Variants in PXDNL observed in about 807,000 individuals in gnomAD.
PXDNL encodes peroxidasin like, also known as probable oxidoreductase PXDNL.
In PXDNL, 145 loss-of-function variants were observed where a neutral mutation model predicts 150.8. The observed-to-expected ratio is 0.96, with a 90% CI of 0.84 to 1.10. The LOEUF (loss-of-function observed/expected upper bound fraction) is 1.10. Ranked by LOEUF, PXDNL falls within the 50% of genes least tolerant of loss-of-function variation. The pLI is 0.00. For missense variants in PXDNL, 2,087 were observed against 1,873.9 expected, an observed-to-expected ratio of 1.11 and a Z score of -2.10; for synonymous variants, 757 against 725.7, an observed-to-expected ratio of 1.04 and a Z score of -0.69.
At chr8:51,590,486 G>A (rs1475338175) in intron 3 of PXDNL, among the ~76,000 whole-genome samples, 1 of 152,192 alleles carries the variant, frequency 6.6e-6, no homozygotes, top group Non-Finnish European at 1.5e-5. Context: ...GCTGAGCCCA[G>A]CAAAGACATG....
intron 1 of PXDNL, among the ~76,000 whole-genome samples, chr8:51,741,920 A>T (rs2036910394): frequency 6.6e-6 from 1 of 152,246 alleles, no homozygotes; most frequent in African/African-American, 2.4e-5. Flanking sequence ...ACAAATTATC[A>T]CAAAAATACC....
In PXDNL at chr8:51,473,348, A is replaced by G. The variant is rs538187587; in HGVS notation, c.695-1044T>C. Among the ~76,000 whole-genome samples, 3 of 151,136 alleles carry G rather than the reference A, an allele frequency of 2.0e-5. No homozygotes were observed. In the South Asian group the frequency reaches 6.3e-4, roughly 32 times the overall value. Reference sequence around the variant, plus strand: ...ACATATGCGGCAAATGCTTAGATGGAAAATAAACGATGTTTTGATGGATTA... The same window carrying G: ...ACATATGCGGCAAATGCTTAGATGGGAAATAAACGATGTTTTGATGGATTA... On this transcript the variant is annotated intron_variant, in intron 7 of 22. Transcript: ENST00000356297.
intron 5 of PXDNL, among the ~76,000 whole-genome samples, chr8:51,487,582 G>C (rs1443030874): frequency 6.6e-6 from 1 of 152,104 alleles, no homozygotes; most frequent in East Asian, 1.9e-4. Context: ...TTTTCTGCCG[G>C]AGCACCAAGC....
intron 19 of PXDNL, among the ~76,000 whole-genome samples, chr8:51,367,156 G>T: frequency 6.8e-6 from 1 of 147,170 alleles, no homozygotes; most frequent in East Asian, 2.0e-4. Flanking sequence ...CAAGCATGTT[G>T]CTGCTGGGTA....
At chr8:51,446,939 G>A in intron 12 of PXDNL, 65 bp downstream of exon 12, 1 of 1,399,202 alleles carries the variant, frequency 7.1e-7, no homozygotes, top group Non-Finnish European at 1.0e-6. Flanking sequence ...TCCCTGTCAG[G>A]TGTGTTAAAG....
intron 1 of PXDNL, among the ~76,000 whole-genome samples, chr8:51,805,495 G>C (rs1241181117): frequency 6.7e-6 from 1 of 149,408 alleles, no homozygotes; most frequent in African/African-American, 2.4e-5. Context: ...GAAATTGGAA[G>C]AGCTGAAGGA....
At chr8:51,517,978 G>C (rs1439514370) in intron 4 of PXDNL, among the ~76,000 whole-genome samples, 1 of 152,128 alleles carries the variant, frequency 6.6e-6, no homozygotes, top group African/African-American at 2.4e-5. Flanking sequence ...CTTCTGTTTG[G>C]TGTAGTTAGT....
chr8:51,343,880 T>G (rs1424412636), intron 20 of PXDNL, among the ~76,000 whole-genome samples: 1 of 152,158 alleles, frequency 6.6e-6, no homozygotes, highest in African/African-American at 2.4e-5. Context: ...ACACTCAAAT[T>G]ATTTAAAAAT....
chr8:51,775,753 T>C (rs111416955), intron 1 of PXDNL, among the ~76,000 whole-genome samples: 22 of 152,292 alleles, frequency 1.4e-4, no homozygotes, highest in African/African-American at 5.1e-4. Context: ...CCTGTGATGA[T>C]TGCATTAACT....
At chr8:51,415,441 G>T (rs932960722) in intron 14 of PXDNL, among the ~76,000 whole-genome samples, 4 of 152,130 alleles carry the variant, frequency 2.6e-5, no homozygotes, top group African/African-American at 9.7e-5. Flanking sequence ...ACAGGAGAGA[G>T]AGCAAAGGGA....
rs1586095043 is a variant in PXDNL, at chr8:51,423,657, C to T, written c.1713G>A (p.Gly571=). ...ATTCATATCTTCCCTGGTCAGGGAA[C>T]CCTGCGTCGTAGATAGTCAGCGTGC... ...DEGTLTIYDA[G]FPDQGRYECV... is the part of the protein sequence containing the mutation. The change falls in exon 14 of 23, where the codon GGG becomes GGA. Residue 571 remains glycine, a synonymous_variant. Transcript: ENST00000356297. 1.2e-6 allele frequency: 2 copies of T among 1,613,546 alleles called. No individual in the cohort carries two copies. The highest frequency in any genetic ancestry group is 2.2e-5 in the East Asian group (1 of 44,858).
At chr8:51,559,979 T>C (rs987737876) in intron 3 of PXDNL, among the ~76,000 whole-genome samples, 2 of 152,006 alleles carry the variant, frequency 1.3e-5, no homozygotes, top group African/African-American at 2.4e-5. Context: ...CTAAATTTGA[T>C]AGAAATACAA....
At chr8:51,755,238 T>C (rs997224446) in intron 1 of PXDNL, among the ~76,000 whole-genome samples, 4 of 151,978 alleles carry the variant, frequency 2.6e-5, no homozygotes, top group Non-Finnish European at 5.9e-5. Flanking sequence ...TTCATAATGA[T>C]AAAATGTTAA....
intron 1 of PXDNL, among the ~76,000 whole-genome samples, chr8:51,658,147 A>G (rs569248120): frequency 4.0e-4 from 61 of 152,190 alleles, no homozygotes; most frequent in African/African-American, 1.4e-3. Flanking sequence ...GTTCGAGACC[A>G]GCCTGGGCAA....
intron 10 of PXDNL, among the ~76,000 whole-genome samples, chr8:51,450,225 AG>A (rs940123078): frequency 6.6e-6 from 1 of 152,306 alleles, no homozygotes; most frequent in Middle Eastern, 3.4e-3. Flanking sequence ...GAGAACAACC[AG>A]GGGTCACTGT....
chr8:51,630,094 A>G (rs1814460294), intron 2 of PXDNL, among the ~76,000 whole-genome samples: 1 of 152,214 alleles, frequency 6.6e-6, no homozygotes, highest in Admixed American at 6.5e-5. Context: ...ACAAACACAT[A>G]GACCAATGGA....
chr8:51,731,856 A>G (rs1171026378), intron 1 of PXDNL, among the ~76,000 whole-genome samples: 1 of 152,188 alleles, frequency 6.6e-6, no homozygotes, highest in East Asian at 1.9e-4. Flanking sequence ...CAGGGCATCA[A>G]GTCCTGAGAC....
chr8:51,456,830 C>A (rs1809947687), intron 9 of PXDNL, among the ~76,000 whole-genome samples: 1 of 152,182 alleles, frequency 6.6e-6, no homozygotes, highest in Non-Finnish European at 1.5e-5. Context: ...GGGCTCCCTG[C>A]TCCTCAGAGC....
chr8:51,608,054 A>AAGC lies in PXDNL; in HGVS notation c.237-15357_237-15356insGCT, dbSNP rs1813893987. ...GAAAGAAAGAAAGAAAGAAAGAAAG[A>AAGC]AAGCAAGCAAGCAAGCAAGCAAGCA... On this transcript the variant is annotated intron_variant, in intron 2 of 22. Transcript: ENST00000356297. 2.2e-3 allele frequency among the ~76,000 whole-genome samples: 244 copies of AAGC among 111,644 alleles called. 3 individuals carry two copies. Among genetic ancestry groups the AAGC allele is most frequent in the African/African-American group, 5.9e-3 (138 of 23,526 alleles). The allele number at this position is 111,644 out of a possible 152,430, so 73.2% of individuals were successfully genotyped here. A position where few individuals can be genotyped will look rare whatever the true frequency, so the allele number is the denominator to read the frequency against.
Sources: gnomAD v4.1 joint callset for allele counts (sites outside exome capture counted in the v4.1 genomes callset) on GRCh38, gnomAD v4.1.1 for gene constraint, MANE v1.5 for transcripts, NCBI Gene and HGNC (gene_info 2026-07-23, HGNC 2026-07-21) for gene names.